The following NEDD4L variants were observed in gnomAD, a reference collection of about 807,000 sequenced individuals.
The protein encoded by NEDD4L is NEDD4 like E3 ubiquitin protein ligase, also known as E3 ubiquitin-protein ligase NEDD4-like.
NEDD4L carries 54 observed loss-of-function variants against 148.9 expected under a neutral mutation model. The ratio of observed to expected loss-of-function variants is 0.36; its 90% CI spans 0.29 to 0.45. The LOEUF (loss-of-function observed/expected upper bound fraction) is 0.45, where lower values mean the gene tolerates loss of function less well. Ranked by LOEUF, NEDD4L falls within the 20% of genes least tolerant of loss-of-function variation. The pLI, the probability that NEDD4L is intolerant of heterozygous loss-of-function variation, is 1.00. For synonymous variants in NEDD4L, 433 were observed against 440.7 expected, an observed-to-expected ratio of 0.98 and a Z score of 0.22; for missense variants, 856 against 1,233.8, an observed-to-expected ratio of 0.69 and a Z score of 4.59.
Position 58,276,705 on chromosome 18 carries a change from A to G in NEDD4L, c.297+24651A>G, listed in dbSNP as rs1568549653. The stretch of plus-strand genomic sequence containing the variant: ...TAATAATAATAATAATATTATTATT[A>G]TTATTATTAATAAAATGCTTACTAG... On this transcript the variant is annotated intron_variant, in intron 5 of 30. Transcript: ENST00000400345. Among the ~76,000 whole-genome samples, 4 of 149,424 alleles carry G rather than the reference A, an allele frequency of 2.7e-5. No homozygotes were observed. In the South Asian group the frequency reaches 8.3e-4, roughly 31 times the overall value.
At chr18:58,268,025 C>T (rs2050472037) in intron 5 of NEDD4L, among the ~76,000 whole-genome samples, 1 of 151,960 alleles carries the variant, frequency 6.6e-6, no homozygotes, top group South Asian at 2.1e-4. Flanking sequence ...TTCTGATGGT[C>T]CCCTGAAAAA....
At position 58,330,922 on chromosome 18, in the gene NEDD4L, G is replaced by C. The variant is rs760145364; in HGVS notation, c.990+8G>C. On this transcript the variant is annotated splice_region_variant and intron_variant, in intron 11 of 30. Coordinates refer to ENST00000400345, the MANE Select transcript of NEDD4L (RefSeq NM_001144967.3). ...CAGTTCAGCTCTTTGATTGTAAGTA[G>C]TGGCCTTGTTTGAAAGAAAAGCTGA... The C allele has an allele frequency of 1.4e-5, 23 of 1,611,672 alleles. No homozygotes were observed. The African/African-American group carries it at 3.1e-4, about 22-fold the overall frequency.
intron 2 of NEDD4L, among the ~76,000 whole-genome samples, chr18:58,230,768 C>G (rs1262711320): frequency 6.6e-6 from 1 of 152,134 alleles, no homozygotes; most frequent in Admixed American, 6.5e-5. Flanking sequence ...ATTTTCCAAA[C>G]ATGTAACCCT....
intron 1 of NEDD4L, among the ~76,000 whole-genome samples, chr18:58,094,114 C>T (rs1358855644): frequency 6.6e-6 from 1 of 152,116 alleles, no homozygotes; most frequent in Non-Finnish European, 1.5e-5. Context: ...CAAAGTCCTT[C>T]TCATCTGCCA....
chr18:58,101,410 C>A (rs2084747143), intron 1 of NEDD4L, among the ~76,000 whole-genome samples: 1 of 152,264 alleles, frequency 6.6e-6, no homozygotes, highest in East Asian at 1.9e-4. Context: ...TCTGCGCCTT[C>A]TGAATACAGT....
At chr18:58,312,111 A>G (rs1202948047) in intron 5 of NEDD4L, among the ~76,000 whole-genome samples, 2 of 152,202 alleles carry the variant, frequency 1.3e-5, no homozygotes, top group Admixed American at 6.5e-5. Flanking sequence ...CGGAATATGA[A>G]TTTTTGTTTC....
intron 2 of NEDD4L, among the ~76,000 whole-genome samples, chr18:58,226,334 C>T (rs1599906974): frequency 2.6e-5 from 4 of 152,352 alleles, no homozygotes; most frequent in Admixed American, 2.6e-4. Flanking sequence ...TGCCCTTTAT[C>T]TCCCAGCTTT....
At chr18:58,247,012 C>G (rs1400363419) in intron 3 of NEDD4L, among the ~76,000 whole-genome samples, 1 of 151,978 alleles carries the variant, frequency 6.6e-6, no homozygotes, top group Admixed American at 6.6e-5. Context: ...GCACTCCAGC[C>G]TGGGTGACAG....
intron 1 of NEDD4L, among the ~76,000 whole-genome samples, chr18:58,114,694 G>C (rs1273411000): frequency 6.6e-6 from 1 of 152,164 alleles, no homozygotes; most frequent in Non-Finnish European, 1.5e-5. Flanking sequence ...GTAGGGTAGA[G>C]TCTAACATGG....
chr18:58,239,850 C>T (rs1038320000), intron 2 of NEDD4L, among the ~76,000 whole-genome samples: 1 of 152,204 alleles, frequency 6.6e-6, no homozygotes, highest in African/African-American at 2.4e-5. Context: ...TCAGTGCAGG[C>T]CTGCAGTCTC....
chr18:58,210,733 C>A (rs2042525206), intron 2 of NEDD4L, among the ~76,000 whole-genome samples: 1 of 151,938 alleles, frequency 6.6e-6, no homozygotes, highest in South Asian at 2.1e-4. Context: ...GAAAGGTTCC[C>A]AGTTCATTTT....
intron 1 of NEDD4L, among the ~76,000 whole-genome samples, chr18:58,111,423 C>A (rs111929791): frequency 1.7e-3 from 253 of 152,258 alleles, no homozygotes; most frequent in African/African-American, 5.6e-3. Flanking sequence ...AACCATCACC[C>A]CCCAGTTCTC....
intron 1 of NEDD4L, among the ~76,000 whole-genome samples, chr18:58,056,345 A>G (rs1221611117): frequency 6.6e-6 from 1 of 152,210 alleles, no homozygotes; most frequent in Non-Finnish European, 1.5e-5. Context: ...TTCGTGTTTT[A>G]TGGTGGCCCA....
At chr18:58,337,620 GTTTT>G (rs141588577) in intron 13 of NEDD4L, among the ~76,000 whole-genome samples, 1 of 150,950 alleles carries the variant, frequency 6.6e-6, no homozygotes, top group Non-Finnish European at 1.5e-5. Flanking sequence ...TAGCAACTTG[GTTTT>G]TTTTTAACTT....
At chr18:58,323,570 G>C (rs1318711527) in intron 8 of NEDD4L, among the ~76,000 whole-genome samples, 2 of 152,174 alleles carry the variant, frequency 1.3e-5, no homozygotes, top group Non-Finnish European at 2.9e-5. Flanking sequence ...ACAATGCCAT[G>C]CCTATTCCCC....
chr18:58,108,780 G>A (rs2085236839), intron 1 of NEDD4L, among the ~76,000 whole-genome samples: 1 of 152,172 alleles, frequency 6.6e-6, no homozygotes, highest in African/African-American at 2.4e-5. Flanking sequence ...TTGACTTAAG[G>A]CTATCTGGGT....
At chr18:58,364,385 C>CTGTGGTAACTTA in intron 20 of NEDD4L, 52 bp downstream of exon 20, 1 of 1,132,294 alleles carries the variant, frequency 8.8e-7, no homozygotes, top group Non-Finnish European at 1.3e-6. Flanking sequence ...TTGTAAGTTA[C>CTGTGGTAACTTA]CACAGTCACT....
intron 1 of NEDD4L, among the ~76,000 whole-genome samples, chr18:58,086,386 G>A (rs1441336964): frequency 6.6e-6 from 1 of 152,210 alleles, no homozygotes; most frequent in East Asian, 1.9e-4. Context: ...GGCTCTGGAT[G>A]TGGGTGTGGC....
At chr18:58,275,273 C>T (rs62094552) in intron 5 of NEDD4L, among the ~76,000 whole-genome samples, 25,447 of 152,092 alleles carry the variant, frequency 0.17, 2,310 homozygotes, top group Non-Finnish European at 0.18. Context: ...GTAAAGTCTA[C>T]ATCCTCACTG....
Sources: gnomAD v4.1 joint callset for allele counts (sites outside exome capture counted in the v4.1 genomes callset) on GRCh38, gnomAD v4.1.1 for gene constraint, MANE v1.5 for transcripts, NCBI Gene and HGNC (gene_info 2026-07-23, HGNC 2026-07-21) for gene names.